The following STK32B variants were observed in gnomAD, a reference collection of about 807,000 sequenced individuals.
The protein encoded by STK32B is serine/threonine kinase 32B.
Under a neutral mutation model 52.6 loss-of-function variants are expected in STK32B, and 43 were observed. The observed-to-expected ratio is 0.82, with a 90% CI of 0.64 to 1.05. The LOEUF is 1.05. Among genes scored for constraint, STK32B ranks in the 50% least tolerant of loss-of-function variants. The pLI, the probability that STK32B is intolerant of heterozygous loss-of-function variation, is 0.00. For missense variants in STK32B, 621 were observed against 534.6 expected (o/e 1.16, Z -1.59); for synonymous variants, 238 against 204.3 (o/e 1.17, Z -1.41).
chr4:5,152,241 T>C (rs1717428103), intron 2 of STK32B, among the ~76,000 whole-genome samples: 1 of 152,120 alleles, frequency 6.6e-6, no homozygotes, highest in African/African-American at 2.4e-5. Flanking sequence ...GAGATGGCGT[T>C]TTGTTGGTGA....
At chr4:5,062,215 T>C (rs1271771131) in intron 1 of STK32B, among the ~76,000 whole-genome samples, 1 of 152,194 alleles carries the variant, frequency 6.6e-6, no homozygotes, top group Non-Finnish European at 1.5e-5. Context: ...CAGCCCACAC[T>C]TGGTGTCTTC....
At chr4:5,143,754 C>A (rs188671412) in intron 2 of STK32B, among the ~76,000 whole-genome samples, 1,172 of 107,396 alleles carry the variant, frequency 0.011, 11 homozygotes, top group Non-Finnish European at 0.019. Flanking sequence ...CATGAGGACC[C>A]GGAAGGATCC....
chr4:5,218,795 A>G (rs988128466), intron 3 of STK32B, among the ~76,000 whole-genome samples: 1 of 152,216 alleles, frequency 6.6e-6, no homozygotes, highest in Non-Finnish European at 1.5e-5. Flanking sequence ...GAAAACGGTC[A>G]AGTGTTCTCC....
chr4:5,496,680 T>A (rs1055492982), intron 11 of STK32B, among the ~76,000 whole-genome samples: 6 of 152,128 alleles, frequency 3.9e-5, no homozygotes, highest in Admixed American at 2.0e-4. Context: ...AGCTGTTCCT[T>A]TTCGGCCATC....
At chr4:5,252,978 T>C (rs1200392983) in intron 3 of STK32B, among the ~76,000 whole-genome samples, 17 of 152,162 alleles carry the variant, frequency 1.1e-4, no homozygotes, top group Non-Finnish European at 7.3e-5. Flanking sequence ...TTCTAATCCT[T>C]CTGCCACCAC....
intron 3 of STK32B, among the ~76,000 whole-genome samples, chr4:5,268,740 A>C (rs2108853760): frequency 6.6e-6 from 1 of 152,204 alleles, no homozygotes; most frequent in East Asian, 1.9e-4. Context: ...AATTTTATTA[A>C]CATTCCTTTG....
At chr4:5,346,756 T>C (rs1733489305) in intron 4 of STK32B, among the ~76,000 whole-genome samples, 1 of 151,996 alleles carries the variant, frequency 6.6e-6, no homozygotes, top group African/African-American at 2.4e-5. Flanking sequence ...GAAATAAGTG[T>C]CAGTCACTGT....
chr4:5,075,352 C>T (rs574053449), intron 1 of STK32B, among the ~76,000 whole-genome samples: 1 of 152,064 alleles, frequency 6.6e-6, no homozygotes, highest in Non-Finnish European at 1.5e-5. Context: ...AAATGAAACC[C>T]GAAGGTTTTA....
chr4:5,123,994 T>G (rs1430699962), intron 1 of STK32B, among the ~76,000 whole-genome samples: 1 of 152,152 alleles, frequency 6.6e-6, no homozygotes, highest in Non-Finnish European at 1.5e-5. Flanking sequence ...TCTCATTTAC[T>G]TTTCACAACA....
In STK32B at chr4:5,251,131, T is replaced by C. The variant is rs553660887; in HGVS notation, c.261-80089T>C. 2.6e-5 allele frequency among the ~76,000 whole-genome samples: 4 copies of C among 152,326 alleles called. No homozygotes were observed. The South Asian group carries it at 8.3e-4, about 32-fold the overall frequency. Reference sequence around the variant, plus strand: ...GGCATCTTCATCATGAAACCTTTTCTAGGCCCAATGTCTAGAATGCTGTTT... The same window carrying C: ...GGCATCTTCATCATGAAACCTTTTCCAGGCCCAATGTCTAGAATGCTGTTT... On this transcript the variant is annotated intron_variant, in intron 3 of 11. Coordinates refer to ENST00000282908, the MANE Select transcript of STK32B (RefSeq NM_018401.3).
intron 3 of STK32B, among the ~76,000 whole-genome samples, chr4:5,257,355 GTGAA>G (rs1726391347): frequency 6.6e-6 from 1 of 152,146 alleles, no homozygotes; most frequent in Non-Finnish European, 1.5e-5. Flanking sequence ...AAGTGGGTGA[GTGAA>G]TGAGTAAGTG....
chr4:5,460,195 C>G lies in STK32B; in HGVS notation c.876C>G (p.Phe292Leu), dbSNP rs1034731914. ...CCGACATGAACTGGGACGCGGTGTTCAAGAAGGCACTGATGCCCGGCTTTG... is the reference window on the plus strand; with the variant it reads ...CCGACATGAACTGGGACGCGGTGTTGAAGAAGGCACTGATGCCCGGCTTTG... ...YLADMNWDAV[F>L]KKALMPGFVP... is the part of the protein sequence containing the mutation. The change falls in exon 9 of 12, where the codon TTC becomes TTG. Residue 292 changes from phenylalanine to leucine, a missense_variant. Coordinates refer to ENST00000282908, the MANE Select transcript of STK32B (RefSeq NM_018401.3). This position sits in a 1 kb window ranked among gnomAD's most constrained non-coding sequence, Gnocchi z 4.8. 8 of 1,613,692 alleles carry G rather than the reference C, an allele frequency of 5.0e-6. No homozygotes were observed. The Admixed American group carries it at 1.0e-4, about 20-fold the overall frequency.
At chr4:5,418,275 T>C (rs891878308) in intron 6 of STK32B, among the ~76,000 whole-genome samples, 2 of 146,872 alleles carry the variant, frequency 1.4e-5, no homozygotes, top group Non-Finnish European at 3.0e-5. Flanking sequence ...CTTTTACTTA[T>C]AATAACTTGG....
intron 7 of STK32B, among the ~76,000 whole-genome samples, chr4:5,455,929 A>C (rs778932464): frequency 6.6e-6 from 1 of 152,162 alleles, no homozygotes; most frequent in South Asian, 2.1e-4. Flanking sequence ...TTGTACCACC[A>C]CACGTGCCAG....
intron 3 of STK32B, among the ~76,000 whole-genome samples, chr4:5,184,693 A>C (rs1427074801): frequency 2.1e-5 from 3 of 145,844 alleles, no homozygotes; most frequent in Non-Finnish European, 4.5e-5. Flanking sequence ...TCAAAAAAAA[A>C]AAAAGAAGAA....
intron 3 of STK32B, among the ~76,000 whole-genome samples, chr4:5,329,548 C>T (rs950911527): frequency 3.5e-4 from 54 of 152,306 alleles, no homozygotes; most frequent in African/African-American, 1.1e-3. Flanking sequence ...CCCACACTCG[C>T]CTGCACCCTG....
intron 3 of STK32B, among the ~76,000 whole-genome samples, chr4:5,323,184 ACAGT>A (rs900088189): frequency 2.6e-5 from 4 of 152,168 alleles, no homozygotes; most frequent in African/African-American, 9.7e-5. Flanking sequence ...CTTCATGCTA[ACAGT>A]CAGTCAGAGA....
chr4:5,181,367 C>CACACACACAG (rs1272404587), intron 3 of STK32B, among the ~76,000 whole-genome samples: 1 of 96,326 alleles, frequency 1.0e-5, no homozygotes, highest in African/African-American at 3.1e-5. Flanking sequence ...CACACACACA[C>CACACACACAG]AGAGATCTCA....
At chr4:5,094,088 C>T (rs550470623) in intron 1 of STK32B, among the ~76,000 whole-genome samples, 15 of 152,242 alleles carry the variant, frequency 9.9e-5, no homozygotes, top group African/African-American at 3.6e-4. Flanking sequence ...TGTGAAATAC[C>T]TCTTTATCTT....
Sources: allele counts gnomAD v4.1 joint callset (sites outside exome capture counted in the v4.1 genomes callset), GRCh38; gene constraint gnomAD v4.1.1; non-coding constraint Gnocchi (gnomAD v3.1); transcripts MANE v1.5; gene names NCBI Gene and HGNC (gene_info 2026-07-23, HGNC 2026-07-21).